Variants in LRP1B observed in about 807,000 individuals in gnomAD.
The protein encoded by LRP1B is low-density lipoprotein receptor-related protein 1B.
A neutral mutation model predicts 556.6 loss-of-function variants in LRP1B; 217 were observed. The observed-to-expected ratio is 0.39, with a 90% CI of 0.35 to 0.44. The LOEUF is 0.44. Among genes scored for constraint, LRP1B ranks in the 20% least tolerant of loss-of-function variants. The pLI is 1.00. For missense variants in LRP1B, 5,053 were observed against 5,620.8 expected (o/e 0.90, Z 3.23); for synonymous variants, 2,047 against 1,865.8 (o/e 1.10, Z -2.50).
intron 66 of LRP1B, among the ~76,000 whole-genome samples, chr2:140,429,741 C>A (rs1007163979): frequency 1.3e-5 from 2 of 150,984 alleles, no homozygotes; most frequent in Non-Finnish European, 2.9e-5. Context: ...TCTGTCCAAA[C>A]AACTTGACCT....
At chr2:140,533,948 G>C in intron 47 of LRP1B, 73 bp downstream of exon 47, 1 of 1,556,080 alleles carries the variant, frequency 6.4e-7, no homozygotes, top group Non-Finnish European at 8.8e-7. Context: ...AGAGCTCTCA[G>C]AAACGAATGT....
chr2:141,153,347 ATATT>A (rs1182640669), intron 7 of LRP1B, among the ~76,000 whole-genome samples: 1 of 123,560 alleles, frequency 8.1e-6, no homozygotes, highest in Non-Finnish European at 1.6e-5. Flanking sequence ...AATATATTAT[ATATT>A]AGCTATATAT....
chr2:141,080,713 T>A (rs1699902260), intron 7 of LRP1B, among the ~76,000 whole-genome samples: 1 of 152,212 alleles, frequency 6.6e-6, no homozygotes, highest in Admixed American at 6.5e-5. Flanking sequence ...CTCTATTTCA[T>A]TCTGAGGAAG....
intron 2 of LRP1B, among the ~76,000 whole-genome samples, chr2:141,519,388 TA>T (rs1684450393): frequency 3.4e-5 from 1 of 29,780 alleles, no homozygotes; most frequent in Non-Finnish European, 7.1e-5. Flanking sequence ...TATATATATA[TA>T]TATATATATA....
chr2:141,243,667 T>A (rs1348688520), intron 5 of LRP1B, among the ~76,000 whole-genome samples: 1 of 152,174 alleles, frequency 6.6e-6, no homozygotes, highest in Admixed American at 6.6e-5. Context: ...TTTTGGAAAT[T>A]ACTTTTTTGA....
chr2:141,561,732 T>C (rs1020608529), intron 2 of LRP1B, among the ~76,000 whole-genome samples: 1 of 151,916 alleles, frequency 6.6e-6, no homozygotes, highest in Non-Finnish European at 1.5e-5. Flanking sequence ...TGATAATGGT[T>C]ACATGTTATA....
intron 1 of LRP1B, among the ~76,000 whole-genome samples, chr2:142,021,748 C>A (rs1703337291): frequency 6.6e-6 from 1 of 152,014 alleles, no homozygotes; most frequent in South Asian, 2.1e-4. Flanking sequence ...ATTTTAATAA[C>A]AACAAAAGTA....
chr2:141,060,386 T>C (rs1209902981), intron 8 of LRP1B, among the ~76,000 whole-genome samples: 5 of 151,756 alleles, frequency 3.3e-5, no homozygotes, highest in African/African-American at 1.2e-4. Context: ...TATGTGTGGG[T>C]CCAGGCATAT....
intron 1 of LRP1B, among the ~76,000 whole-genome samples, chr2:141,879,472 A>C (rs945982939): frequency 5.9e-5 from 9 of 151,992 alleles, no homozygotes; most frequent in Non-Finnish European, 8.8e-5. Context: ...TAAAAATAGT[A>C]AATTCAAAAT....
intron 43 of LRP1B, among the ~76,000 whole-genome samples, chr2:140,571,748 C>T (rs1681330158): frequency 6.6e-6 from 1 of 151,522 alleles, no homozygotes; most frequent in East Asian, 1.9e-4. Context: ...CAAAACCTAA[C>T]TTCAAAATAT....
At chr2:140,725,043 G>A (rs946190975) in intron 35 of LRP1B, among the ~76,000 whole-genome samples, 26 of 152,216 alleles carry the variant, frequency 1.7e-4, no homozygotes, top group Admixed American at 8.5e-4. Flanking sequence ...GCCATGTAAT[G>A]TATTAATACC....
intron 3 of LRP1B, among the ~76,000 whole-genome samples, chr2:141,407,529 T>C (rs1690686512): frequency 6.6e-6 from 1 of 152,138 alleles, no homozygotes; most frequent in Non-Finnish European, 1.5e-5. Context: ...ATGAATGGCT[T>C]GGGCAATTCC....
chr2:140,730,460 TAA>T lies in LRP1B; in HGVS notation c.5759-13646_5759-13645del, dbSNP rs1310818470. Among the ~76,000 whole-genome samples, 7 of 152,130 alleles carry T rather than the reference TAA, an allele frequency of 4.6e-5. No individual in the cohort carries two copies. In the East Asian group the frequency reaches 1.2e-3, roughly 25 times the overall value. On this transcript the variant is annotated intron_variant, in intron 35 of 90. Transcript: ENST00000389484. ...AATCCATTTTACATGTACACATATA[TAA>T]GACATGAACAAAAATATAATTTTTA... is the stretch of plus-strand genomic sequence containing the variant.
chr2:142,054,019 C>T (rs1194954994), intron 1 of LRP1B, among the ~76,000 whole-genome samples: 3 of 152,042 alleles, frequency 2.0e-5, no homozygotes, highest in Non-Finnish European at 1.5e-5. Flanking sequence ...GGGAAGAAAC[C>T]CTCGATCACA....
chr2:141,985,253 A>G (rs1024821778), intron 1 of LRP1B, among the ~76,000 whole-genome samples: 1 of 152,272 alleles, frequency 6.6e-6, no homozygotes. Context: ...TATTTAGAGG[A>G]GTAGCAAATC....
intron 41 of LRP1B, among the ~76,000 whole-genome samples, chr2:140,666,897 G>A (rs1267075761): frequency 6.6e-6 from 1 of 152,218 alleles, no homozygotes; most frequent in Non-Finnish European, 1.5e-5. Context: ...AATAAAGCTA[G>A]CACACATTCT....
chr2:140,316,686 C>A (rs965272586), intron 82 of LRP1B, among the ~76,000 whole-genome samples: 96 of 151,912 alleles, frequency 6.3e-4, no homozygotes, highest in African/African-American at 2.2e-3. Context: ...TCCTTAATGA[C>A]AAATACACAA....
At chr2:141,094,990 GAC>G (rs1009299569) in intron 7 of LRP1B, among the ~76,000 whole-genome samples, 1 of 152,152 alleles carries the variant, frequency 6.6e-6, no homozygotes, top group African/African-American at 2.4e-5. Flanking sequence ...AGTGAGAGGT[GAC>G]TAGGCCAAGA....
At chr2:141,569,172 G>A (rs1686443290) in intron 2 of LRP1B, among the ~76,000 whole-genome samples, 1 of 151,044 alleles carries the variant, frequency 6.6e-6, no homozygotes, top group Admixed American at 6.6e-5. Context: ...CTCAATAGGA[G>A]ATCATTTGAA....
Sources: gnomAD v4.1 joint callset for allele counts (sites outside exome capture counted in the v4.1 genomes callset) on GRCh38, gnomAD v4.1.1 for gene constraint, MANE v1.5 for transcripts, NCBI Gene and HGNC (gene_info 2026-07-23, HGNC 2026-07-21) for gene names.